RARB: variants seen among roughly 807,000 people sequenced by gnomAD.
The protein encoded by RARB is HBV-activated protein.
RARB carries 17 observed loss-of-function variants against 51.9 expected under a neutral mutation model. The observed-to-expected ratio is 0.33, with a 90% CI of 0.22 to 0.49. The LOEUF is 0.49. Ranked by LOEUF, RARB falls within the 20% of genes least tolerant of loss-of-function variation. The pLI is 0.99. For missense variants in RARB, 369 were observed against 550.8 expected (o/e 0.67, Z 3.30); for synonymous variants, 215 against 195.4 (o/e 1.10, Z -0.84).
intron 2 of RARB, among the ~76,000 whole-genome samples, chr3:25,465,422 A>G (rs1407898921): frequency 6.6e-6 from 1 of 152,212 alleles, no homozygotes; most frequent in East Asian, 1.9e-4. Flanking sequence ...CCTCTGCTCT[A>G]AAGTAGGACT....
chr3:25,246,195 T>C (rs1445451008), intron 5 of RARB, among the ~76,000 whole-genome samples: 2 of 152,096 alleles, frequency 1.3e-5, no homozygotes, highest in African/African-American at 4.8e-5. Flanking sequence ...TTCTCTAAAC[T>C]AGTTATTCCA....
chr3:25,282,212 C>T (rs961598716), intron 5 of RARB, among the ~76,000 whole-genome samples: 7 of 152,298 alleles, frequency 4.6e-5, no homozygotes, highest in East Asian at 1.9e-4. Flanking sequence ...CTCTTCCCTC[C>T]GTTGCCTTGC....
At chr3:25,100,941 C>T (rs866479913) in intron 3 of RARB, among the ~76,000 whole-genome samples, 4 of 152,128 alleles carry the variant, frequency 2.6e-5, no homozygotes, top group African/African-American at 7.2e-5. Flanking sequence ...GCCCTACACT[C>T]GGAGCTGAGG....
chr3:25,338,626 C>G (rs1450546375), intron 5 of RARB, among the ~76,000 whole-genome samples: 4 of 152,170 alleles, frequency 2.6e-5, no homozygotes, highest in Admixed American at 2.0e-4. Flanking sequence ...ATTCAGCAAA[C>G]CAAACTCATC....
At chr3:25,439,815 A>G (rs1708586098) in intron 1 of RARB, among the ~76,000 whole-genome samples, 2 of 152,356 alleles carry the variant, frequency 1.3e-5, no homozygotes, top group East Asian at 3.9e-4. Flanking sequence ...GGAAAAAGAG[A>G]CAGGTGGACA....
intron 5 of RARB, among the ~76,000 whole-genome samples, chr3:25,592,432 GGTCAGCA>G (rs1484238485): frequency 6.6e-6 from 1 of 152,184 alleles, no homozygotes; most frequent in Non-Finnish European, 1.5e-5. Context: ...ATGGAAACCT[GGTCAGCA>G]GAGACCCTTT....
chr3:25,268,443 T>G (rs994908781), intron 5 of RARB, among the ~76,000 whole-genome samples: 1 of 152,184 alleles, frequency 6.6e-6, no homozygotes, highest in Non-Finnish European at 1.5e-5. Flanking sequence ...GATCTGTGTT[T>G]TTCATATTAT....
chr3:25,362,771 C>T (rs1559372210), intron 5 of RARB, among the ~76,000 whole-genome samples: 2 of 152,132 alleles, frequency 1.3e-5, no homozygotes, highest in South Asian at 2.1e-4. Flanking sequence ...AGTGCCCCAC[C>T]CTGCTTTGGC....
intron 4 of RARB, among the ~76,000 whole-genome samples, chr3:25,169,647 A>G (rs1700610730): frequency 6.6e-6 from 1 of 152,172 alleles, no homozygotes; most frequent in Non-Finnish European, 1.5e-5. Context: ...ATGTGTGGGC[A>G]ATAGTTTAAG....
intron 5 of RARB, among the ~76,000 whole-genome samples, chr3:25,418,670 G>A (rs1182773688): frequency 6.6e-6 from 1 of 152,080 alleles, no homozygotes; most frequent in Non-Finnish European, 1.5e-5. Flanking sequence ...AACAGCTATA[G>A]GAGAAGAGAG....
At chr3:25,277,710 C>A (rs141278262) in intron 5 of RARB, among the ~76,000 whole-genome samples, 1 of 152,286 alleles carries the variant, frequency 6.6e-6, no homozygotes, top group Non-Finnish European at 1.5e-5. Flanking sequence ...GCTTACTTAG[C>A]AAAATAGAAG....
intron 5 of RARB, among the ~76,000 whole-genome samples, chr3:25,256,695 T>C (rs1702872920): frequency 6.6e-6 from 1 of 152,032 alleles, no homozygotes; most frequent in Non-Finnish European, 1.5e-5. Flanking sequence ...ATAAATGAAA[T>C]TCTACGTAAT....
chr3:25,536,330 T>C (rs1259419774), intron 3 of RARB, among the ~76,000 whole-genome samples: 4 of 152,214 alleles, frequency 2.6e-5, no homozygotes, highest in African/African-American at 9.6e-5. Flanking sequence ...ATATTTGTCA[T>C]GCTAAAGACA....
At chr3:25,222,037 C>T (rs534825935) in intron 5 of RARB, among the ~76,000 whole-genome samples, 54 of 152,122 alleles carry the variant, frequency 3.5e-4, no homozygotes, top group Admixed American at 2.3e-3. Context: ...GGAGCGTAAT[C>T]GGAACGAGCT....
intron 2 of RARB, among the ~76,000 whole-genome samples, chr3:24,999,114 T>C (rs78012407): frequency 0.019 from 2,878 of 152,252 alleles, 76 homozygotes; most frequent in East Asian, 0.12. Flanking sequence ...CTTCAGGCTT[T>C]TCTGTTATAT....
At chr3:25,018,984 A>T (rs1214366474) in intron 2 of RARB, among the ~76,000 whole-genome samples, 1 of 152,184 alleles carries the variant, frequency 6.6e-6, no homozygotes, top group Non-Finnish European at 1.5e-5. Flanking sequence ...GGATGTTCAC[A>T]TTTGTGATTG....
intron 3 of RARB, among the ~76,000 whole-genome samples, chr3:25,519,255 A>G (rs887992507): frequency 1.3e-5 from 2 of 152,200 alleles, no homozygotes; most frequent in African/African-American, 4.8e-5. Context: ...TGTGGGAGGC[A>G]TGGCCACTTA....
At chr3:24,858,283 C>T (rs573987588) in intron 1 of RARB, among the ~76,000 whole-genome samples, 1 of 151,960 alleles carries the variant, frequency 6.6e-6, no homozygotes, top group South Asian at 2.1e-4. Context: ...GAACTTTTAT[C>T]CAATCTACTT....
intron 3 of RARB, among the ~76,000 whole-genome samples, chr3:25,539,155 T>A (rs895356062): frequency 2.0e-5 from 3 of 152,324 alleles, no homozygotes; most frequent in Admixed American, 2.0e-4. Flanking sequence ...TGAAAGATGG[T>A]AACTGCATAG....
Sources: allele counts gnomAD v4.1 joint callset (sites outside exome capture counted in the v4.1 genomes callset), GRCh38; gene constraint gnomAD v4.1.1; transcripts MANE v1.5; gene names NCBI Gene and HGNC (gene_info 2026-07-23, HGNC 2026-07-21).